ABHD6: variants seen among roughly 807,000 people sequenced by gnomAD.
The protein encoded by ABHD6 is monoacylglycerol lipase ABHD6.
Under a neutral mutation model 38.8 loss-of-function variants are expected in ABHD6, and 33 were observed. That is an observed-to-expected ratio of 0.85 (90% CI 0.64 to 1.14). ABHD6 has a LOEUF of 1.14. Among genes scored for constraint, ABHD6 ranks in the 50% most tolerant of loss-of-function variants. The probability of loss-of-function intolerance (pLI) is 0.00; values close to 1 mark genes in which losing one functional copy is unlikely to be tolerated. For missense variants in ABHD6, 380 were observed against 422.6 expected, an observed-to-expected ratio of 0.90 and a Z score of 0.88; for synonymous variants, 147 against 161.6, an observed-to-expected ratio of 0.91 and a Z score of 0.69.
rs1399748306 is a variant in ABHD6 at position 58,273,856 on chromosome 3, C to T, written c.524-802C>T. ...TGTATACCTATGTAACAAACCTGCACGTTCTGCCCATGTATCCCAGAACTT... is the reference window on the plus strand; with the variant it reads ...TGTATACCTATGTAACAAACCTGCATGTTCTGCCCATGTATCCCAGAACTT... On this transcript the variant is annotated intron_variant, in intron 6 of 9. Transcript: ENST00000478253. The surrounding 1 kb of genome is among the most constrained non-coding windows in gnomAD (Gnocchi z 4.8). 2.0e-5 allele frequency among the ~76,000 whole-genome samples: 3 copies of T among 152,146 alleles called. No homozygotes were observed. The highest frequency in any genetic ancestry group is 3.9e-4 in the East Asian group (2 of 5,188).
At chr3:58,240,979 C>G (rs1575509956) in intron 1 of ABHD6, among the ~76,000 whole-genome samples, 1 of 152,114 alleles carries the variant, frequency 6.6e-6, no homozygotes, top group South Asian at 2.1e-4. Flanking sequence ...ATCTGCCCGC[C>G]TCTACCTCCC....
intron 7 of ABHD6, among the ~76,000 whole-genome samples, chr3:58,282,291 T>A (rs2097453890): frequency 6.6e-6 from 1 of 151,950 alleles, no homozygotes; most frequent in Non-Finnish European, 1.5e-5. Flanking sequence ...AGGAACCCAT[T>A]TGGGAACTAT....
rs895752571 is a variant in ABHD6 at position 58,257,968 on chromosome 3, T to C, written c.119+1263T>C. 6.6e-6 allele frequency among the ~76,000 whole-genome samples: 1 copy of C among 152,248 alleles called. No homozygotes were observed. The highest frequency in any genetic ancestry group is 1.9e-4 in the East Asian group (1 of 5,182). On this transcript the variant is annotated intron_variant, in intron 3 of 9. Transcript: ENST00000478253. The surrounding 1 kb of genome is among the most constrained non-coding windows in gnomAD (Gnocchi z 4.8). The stretch of plus-strand genomic sequence containing the variant: ...TAAATCAAGTATTTAAAAAGTGATA[T>C]GAATATCACTCCCTTAAGTGAAAAG...
Position 58,269,069 on chromosome 3 carries a change from C to T in ABHD6, c.277-252C>T, listed in dbSNP as rs919447856. On this transcript the variant is annotated intron_variant, in intron 4 of 9. Transcript: ENST00000478253. This position sits in a 1 kb window ranked among gnomAD's most constrained non-coding sequence, Gnocchi z 4.4. ...AGCAAGAGACTTAAGCCTGCTGCCC[C>T]GACTTTGTCCCCTTTTTACAGGCAT... Among the ~76,000 whole-genome samples the T allele has an allele frequency of 3.3e-5, 5 of 152,168 alleles. No homozygotes were observed. Among genetic ancestry groups the T allele is most frequent in the Non-Finnish European group, 5.9e-5 (4 of 68,026 alleles).
At chr3:58,243,297 A>G (rs2097424106) in intron 1 of ABHD6, among the ~76,000 whole-genome samples, 1 of 152,148 alleles carries the variant, frequency 6.6e-6, no homozygotes, top group Non-Finnish European at 1.5e-5. Context: ...GAATCACTGC[A>G]CTGTCTTCCA....
intron 9 of ABHD6, among the ~76,000 whole-genome samples, chr3:58,289,608 A>G (rs903194434): frequency 5.3e-5 from 8 of 152,222 alleles, no homozygotes; most frequent in Non-Finnish European, 1.5e-5. Context: ...AGTACAGAAC[A>G]AAATGAAAAG....
rs9821820 is a variant in ABHD6 at position 58,255,096 on chromosome 3, G to C, written c.-25-1466G>C. Among the ~76,000 whole-genome samples the C allele has an allele frequency of 3.4e-3, 520 of 152,248 alleles. 3 individuals are homozygous for C. Among genetic ancestry groups the C allele is most frequent in the African/African-American group, 0.012 (499 of 41,538 alleles). On this transcript the variant is annotated intron_variant, in intron 2 of 9. Transcript: ENST00000478253. ...AGGACAGGGCAGGGCCTCTGATACAGCTGGAATTCTAGTGCCCCAATGGTG... is the reference window on the plus strand; with the variant it reads ...AGGACAGGGCAGGGCCTCTGATACACCTGGAATTCTAGTGCCCCAATGGTG...
At chr3:58,283,048 G>A (rs1334326360) in intron 7 of ABHD6, among the ~76,000 whole-genome samples, 1 of 152,194 alleles carries the variant, frequency 6.6e-6, no homozygotes. Flanking sequence ...TCTGTTGTAG[G>A]AGCTGGACCC....
chr3:58,247,652 T>C (rs1401215299), intron 1 of ABHD6, among the ~76,000 whole-genome samples: 4 of 152,144 alleles, frequency 2.6e-5, no homozygotes, highest in Admixed American at 2.0e-4. Context: ...TCTCGGCTCA[T>C]TGCAACCTCC....
rs1198960592 is a variant in ABHD6 at position 58,267,289 on chromosome 3, A to G, written c.220A>G (p.Ile74Val). 6.2e-7 allele frequency: 1 copy of G among 1,614,190 alleles called. No individual in the cohort carries two copies. The highest frequency in any genetic ancestry group is 1.6e-4 in the Middle Eastern group (1 of 6,062). Residue 74 changes from isoleucine (I) to valine (V), a missense_variant, in exon 4 of 10, where the codon ATC (isoleucine) becomes GTC (valine). Transcript: ENST00000478253. This position sits in a 1 kb window ranked among gnomAD's most constrained non-coding sequence, Gnocchi z 4.3. Reference sequence around the variant, plus strand: ...GGGCAGGCCTGGGCACAAACCCTCCATCCTCATGCTCCACGGATTCTCTGC... The same window carrying G: ...GGGCAGGCCTGGGCACAAACCCTCCGTCCTCATGCTCCACGGATTCTCTGC... ...FRGRPGHKPS[I>V]LMLHGFSAHK...
intron 1 of ABHD6, among the ~76,000 whole-genome samples, chr3:58,244,821 T>G (rs1038446764): frequency 1.8e-4 from 27 of 152,198 alleles, no homozygotes; most frequent in African/African-American, 6.5e-4. Context: ...TGGTATTTAC[T>G]ATTGCTTTTA....
chr3:58,286,496 AGGGC>A (rs1277890789), intron 9 of ABHD6, among the ~76,000 whole-genome samples: 5 of 151,962 alleles, frequency 3.3e-5, no homozygotes, highest in African/African-American at 1.2e-4. Flanking sequence ...TTTTCTGTAA[AGGGC>A]CAGATGGTAA....
intron 1 of ABHD6, among the ~76,000 whole-genome samples, chr3:58,240,808 G>A (rs1294530884): frequency 2.0e-5 from 3 of 147,394 alleles, no homozygotes; most frequent in East Asian, 4.0e-4. Context: ...TCGGCTCACC[G>A]CAACCTCCGC....
intron 1 of ABHD6, among the ~76,000 whole-genome samples, chr3:58,248,144 T>C (rs2097427664): frequency 6.7e-6 from 1 of 150,262 alleles, no homozygotes; most frequent in African/African-American, 2.5e-5. Flanking sequence ...TTTTTTGAGT[T>C]AATGTACCTT....
intron 1 of ABHD6, among the ~76,000 whole-genome samples, chr3:58,241,923 A>C (rs2097423096): frequency 6.6e-6 from 1 of 152,230 alleles, no homozygotes; most frequent in Admixed American, 6.5e-5. Context: ...TGCTACAGTC[A>C]CATGGCAAGC....
intron 2 of ABHD6, among the ~76,000 whole-genome samples, chr3:58,252,439 C>A (rs889930503): frequency 6.6e-6 from 1 of 151,746 alleles, no homozygotes; most frequent in African/African-American, 2.4e-5. Context: ...GTCTCAAACT[C>A]CTCTACTCAA....
At chr3:58,291,214 A>G (rs1162851072) in intron 9 of ABHD6, among the ~76,000 whole-genome samples, 1 of 150,044 alleles carries the variant, frequency 6.7e-6, no homozygotes, top group Non-Finnish European at 1.5e-5. Flanking sequence ...CGTCTCCACC[A>G]AAAAAATACG....
chr3:58,290,358 T>C (rs190798175), intron 9 of ABHD6, among the ~76,000 whole-genome samples: 78,192 of 99,904 alleles, frequency 0.78, 31,080 homozygotes, highest in East Asian at 0.99. Flanking sequence ...CCCCCCACCT[T>C]CCTCCCGGAT....
chr3:58,286,210 G>A (rs1359634071), intron 9 of ABHD6, among the ~76,000 whole-genome samples: 3 of 151,978 alleles, frequency 2.0e-5, no homozygotes, highest in African/African-American at 7.2e-5. Flanking sequence ...TAGTAGAGAC[G>A]GGGTTTCACC....
Sources: gnomAD v4.1 joint callset for allele counts (sites outside exome capture counted in the v4.1 genomes callset) on GRCh38, gnomAD v4.1.1 for gene constraint, Gnocchi (gnomAD v3.1) non-coding constraint, MANE v1.5 for transcripts, NCBI Gene and HGNC (gene_info 2026-07-23, HGNC 2026-07-21) for gene names.